ANK3: variants seen among roughly 807,000 people sequenced by gnomAD.
ANK3 encodes the protein ankyrin 3.
ANK3 carries 57 observed loss-of-function variants against 370.9 expected under a neutral mutation model. That is an observed-to-expected ratio of 0.15 (90% confidence interval 0.12 to 0.19). The LOEUF is 0.19. Among genes scored for constraint, ANK3 ranks in the 10% least tolerant of loss-of-function variants. The pLI is 1.00. For synonymous variants in ANK3, 1,929 were observed against 1,946.3 expected, an observed-to-expected ratio of 0.99 and a Z score of 0.23; for missense variants, 4,439 against 5,302.1, an observed-to-expected ratio of 0.84 and a Z score of 5.06.
chr10:60,482,590 GATC>G (rs2075252516), intron 2 of ANK3, among the ~76,000 whole-genome samples: 1 of 151,996 alleles, frequency 6.6e-6, no homozygotes, highest in Non-Finnish European at 1.5e-5. Context: ...GAGCTCAATA[GATC>G]CTCCCACCTC....
chr10:60,101,969 C>T (rs1211631030), intron 28 of ANK3, among the ~76,000 whole-genome samples: 1 of 151,850 alleles, frequency 6.6e-6, no homozygotes, highest in Non-Finnish European at 1.5e-5. Flanking sequence ...AGGAGCAGTG[C>T]AGAGAGACAA....
intron 2 of ANK3, among the ~76,000 whole-genome samples, chr10:60,396,348 TA>T (rs1373192667): frequency 2.0e-5 from 3 of 152,204 alleles, no homozygotes; most frequent in Admixed American, 2.0e-4. Flanking sequence ...TATTTCACTC[TA>T]TTAGGGTAGT....
intron 1 of ANK3, among the ~76,000 whole-genome samples, chr10:60,368,173 AAAG>A (rs1263856092): frequency 1.3e-5 from 2 of 152,126 alleles, no homozygotes; most frequent in African/African-American, 4.8e-5. Context: ...ACATTAACTA[AAAG>A]AAGGGAAGAG....
At chr10:60,662,308 A>G (rs2078945062) in intron 1 of ANK3, among the ~76,000 whole-genome samples, 1 of 152,180 alleles carries the variant, frequency 6.6e-6, no homozygotes, top group Admixed American at 6.6e-5. Context: ...CCCACTTCAT[A>G]TCTGATAGAT....
At chr10:60,180,559 G>GCACT (rs1408156441) in intron 18 of ANK3, among the ~76,000 whole-genome samples, 1 of 120,892 alleles carries the variant, frequency 8.3e-6, no homozygotes, top group Non-Finnish European at 1.6e-5. Flanking sequence ...TCAAGCCACT[G>GCACT]CACTCCAGCC....
At chr10:60,157,896 G>A (rs931348236) in intron 23 of ANK3, among the ~76,000 whole-genome samples, 1,228 of 81,792 alleles carry the variant, frequency 0.015, 17 homozygotes, top group African/African-American at 0.043. Flanking sequence ...AAGAGAGAGA[G>A]AGAGAGAGAG....
At chr10:60,156,900 A>T (rs1363834105) in intron 23 of ANK3, among the ~76,000 whole-genome samples, 1 of 152,220 alleles carries the variant, frequency 6.6e-6, no homozygotes, top group African/African-American at 2.4e-5. Context: ...AATGTCTACA[A>T]GCATCAAGGA....
At chr10:60,322,746 A>T (rs2048943822) in intron 1 of ANK3, among the ~76,000 whole-genome samples, 1 of 152,164 alleles carries the variant, frequency 6.6e-6, no homozygotes, top group Non-Finnish European at 1.5e-5. Context: ...CTGGATACAA[A>T]CAATTTTGAA....
At chr10:60,156,199 A>T (rs1229057034) in intron 23 of ANK3, among the ~76,000 whole-genome samples, 1 of 151,748 alleles carries the variant, frequency 6.6e-6, no homozygotes, top group Non-Finnish European at 1.5e-5. Context: ...GACTCTTTTC[A>T]CTTGGAGAAA....
At chr10:60,692,879 G>A (rs527511893) in intron 1 of ANK3, among the ~76,000 whole-genome samples, 1 of 151,692 alleles carries the variant, frequency 6.6e-6, no homozygotes, top group Non-Finnish European at 1.5e-5. Context: ...TCAAAGAATT[G>A]AATGACACTT....
At chr10:60,691,638 C>A (rs2079354579) in intron 1 of ANK3, among the ~76,000 whole-genome samples, 1 of 152,090 alleles carries the variant, frequency 6.6e-6, no homozygotes, top group Non-Finnish European at 1.5e-5. Context: ...TTTTTCCCAG[C>A]CAAAATATAT....
intron 11 of ANK3, among the ~76,000 whole-genome samples, chr10:60,203,958 A>C (rs1301504540): frequency 6.6e-6 from 1 of 152,238 alleles, no homozygotes; most frequent in African/African-American, 2.4e-5. Context: ...TTTAGCTTAC[A>C]ACATGAACAT....
intron 1 of ANK3, among the ~76,000 whole-genome samples, 187 bp downstream of exon 1, chr10:60,389,238 C>G (rs1334254368): frequency 6.6e-6 from 1 of 152,142 alleles, no homozygotes; most frequent in Non-Finnish European, 1.5e-5. Context: ...AGAAAACCGT[C>G]CCTCTTGCCT....
At chr10:60,380,385 G>C (rs1314982598) in intron 1 of ANK3, among the ~76,000 whole-genome samples, 6 of 152,230 alleles carry the variant, frequency 3.9e-5, no homozygotes, top group Admixed American at 3.9e-4. Context: ...GTGACATAGA[G>C]GCAATTCCAG....
chr10:60,184,825 A>G (rs1476144823), intron 17 of ANK3, among the ~76,000 whole-genome samples: 2 of 152,248 alleles, frequency 1.3e-5, no homozygotes, highest in African/African-American at 2.4e-5. Flanking sequence ...CCTACTGGAA[A>G]TATTCAATTT....
chr10:60,265,179 T>A (rs1341243545), intron 5 of ANK3, among the ~76,000 whole-genome samples: 1 of 152,232 alleles, frequency 6.6e-6, no homozygotes, highest in African/African-American at 2.4e-5. Context: ...GTTAATCAAG[T>A]TGTGCAATAA....
At chr10:60,342,691 G>T (rs1254013698) in intron 1 of ANK3, among the ~76,000 whole-genome samples, 1 of 152,180 alleles carries the variant, frequency 6.6e-6, no homozygotes, top group Non-Finnish European at 1.5e-5. Flanking sequence ...CATTGAACCA[G>T]ACAAGTTAGG....
At chr10:60,096,733 A>G (rs2090203707) in intron 28 of ANK3, among the ~76,000 whole-genome samples, 1 of 150,166 alleles carries the variant, frequency 6.7e-6, no homozygotes, top group Non-Finnish European at 1.5e-5. Context: ...AAAAAATAAG[A>G]ATGGTTTAAT....
At chr10:60,417,605 G>T (rs1377908369) in intron 2 of ANK3, among the ~76,000 whole-genome samples, 1 of 152,186 alleles carries the variant, frequency 6.6e-6, no homozygotes, top group African/African-American at 2.4e-5. Context: ...CACCTATGAA[G>T]TTAGCAACCT....
Sources: allele counts gnomAD v4.1 joint callset (sites outside exome capture counted in the v4.1 genomes callset), GRCh38; gene constraint gnomAD v4.1.1; transcripts MANE v1.5; gene names NCBI Gene and HGNC (gene_info 2026-07-23, HGNC 2026-07-21).